The following DAPK2 variants were observed in gnomAD, a reference collection of about 807,000 sequenced individuals.
DAPK2 encodes the protein death-associated protein kinase 2.
Under a neutral mutation model 44.1 loss-of-function variants are expected in DAPK2, and 35 were observed. That is an observed-to-expected ratio of 0.79 (90% CI 0.61 to 1.05). The LOEUF is 1.05. DAPK2 is among the 50% of genes least tolerant of loss of function. DAPK2 has a pLI of 0.00. For synonymous variants in DAPK2, 174 were observed against 182.6 expected, an observed-to-expected ratio of 0.95 and a Z score of 0.38; for missense variants, 453 against 483.2, an observed-to-expected ratio of 0.94 and a Z score of 0.59.
chr15:63,933,661 T>C (rs1220530021), intron 4 of DAPK2, among the ~76,000 whole-genome samples: 10 of 150,496 alleles, frequency 6.6e-5, no homozygotes, highest in Admixed American at 1.3e-4. Flanking sequence ...TGCAGTGGCA[T>C]GATCACAGCT....
intron 1 of DAPK2, among the ~76,000 whole-genome samples, chr15:64,001,104 T>C (rs1437382098): frequency 2.0e-5 from 3 of 151,550 alleles, no homozygotes; most frequent in East Asian, 3.9e-4. Context: ...GGTCTAGAAC[T>C]CCTGACCTCA....
At chr15:63,991,495 T>G in intron 1 of DAPK2, 1 of 364,424 alleles carries the variant, frequency 2.7e-6, no homozygotes, top group South Asian at 2.0e-5. Context: ...CTTTGAAATT[T>G]GAGGTGTGGA....
chr15:63,957,970 C>A (rs1350504571), intron 3 of DAPK2, among the ~76,000 whole-genome samples: 2 of 152,198 alleles, frequency 1.3e-5, no homozygotes, highest in East Asian at 1.9e-4. Context: ...TACAGTCCCA[C>A]CAACGGTGTA....
In DAPK2 at chr15:63,983,761, G is replaced by A. The variant is rs556373666; in HGVS notation, c.93-7C>T. On this transcript the variant is annotated splice_region_variant and splice_polypyrimidine_tract_variant and intron_variant, in intron 1 of 10. Coordinates refer to ENST00000261891, the Ensembl canonical transcript of DAPK2. ...CACGATGGCAAACTGGCCACTGTGG[G>A]GACACAGACCCACAAGATTAGGTCA... 1.4e-5 allele frequency: 23 copies of A among 1,608,960 alleles called. No individual in the cohort carries two copies. In the East Asian group the frequency reaches 4.9e-4, roughly 34 times the overall value.
Position 63,911,996 on chromosome 15 carries a change from G to C in DAPK2, c.949-5C>G, listed in dbSNP as rs2078805536. On this transcript the variant is annotated splice_polypyrimidine_tract_variant and splice_region_variant and intron_variant, in intron 9 of 10. Coordinates refer to ENST00000261891, the Ensembl canonical transcript of DAPK2. ...GGACACGATGCTGAAGGAAAGCTGA[G>C]GGAGGCAGAGGAAAGGAATCCCCAG... 2 of 1,613,530 alleles carry C rather than the reference G, an allele frequency of 1.2e-6. No homozygotes were observed. Among genetic ancestry groups the C allele is most frequent in the Non-Finnish European group, 1.7e-6 (2 of 1,179,792 alleles).
At chr15:63,935,371 A>G (rs1183159106) in intron 4 of DAPK2, among the ~76,000 whole-genome samples, 1 of 152,086 alleles carries the variant, frequency 6.6e-6, no homozygotes, top group Admixed American at 6.6e-5. Flanking sequence ...GATTACAGGC[A>G]TGAGCCACCA....
At chr15:63,946,742 G>A (rs1051764580) in intron 3 of DAPK2, among the ~76,000 whole-genome samples, 2 of 152,128 alleles carry the variant, frequency 1.3e-5, no homozygotes, top group Non-Finnish European at 2.9e-5. Context: ...CCAGATGCCC[G>A]TGTGGCCTGC....
intron 3 of DAPK2, among the ~76,000 whole-genome samples, chr15:63,949,677 A>C (rs11854494): frequency 0.4 from 60,320 of 152,076 alleles, 12,520 homozygotes; most frequent in African/African-American, 0.44. Flanking sequence ...GCAAGCCTGC[A>C]AGGAAGTCAA....
At chr15:63,996,788 A>G (rs1456007688) in intron 1 of DAPK2, among the ~76,000 whole-genome samples, 1 of 152,178 alleles carries the variant, frequency 6.6e-6, no homozygotes, top group Non-Finnish European at 1.5e-5. Context: ...AGGGAGGACT[A>G]CTCAGGCAAT....
intron 1 of DAPK2, among the ~76,000 whole-genome samples, chr15:63,987,017 T>C (rs562540863): frequency 6.6e-6 from 1 of 152,236 alleles, no homozygotes; most frequent in African/African-American, 2.4e-5. Context: ...AGGGGAGGGG[T>C]TGTCTCTCCC....
chr15:63,929,987 C>A, intron 5 of DAPK2: 1 of 443,806 alleles, frequency 2.3e-6, no homozygotes, highest in Non-Finnish European at 4.2e-6. Flanking sequence ...AAACGAGTCC[C>A]ATCTGTGCAG....
chr15:63,944,725 C>A (rs2077404722), intron 3 of DAPK2, among the ~76,000 whole-genome samples: 1 of 152,178 alleles, frequency 6.6e-6, no homozygotes, highest in Non-Finnish European at 1.5e-5. Flanking sequence ...GCAGTCCAAT[C>A]CCTTTCTCCC....
chr15:64,004,882 C>T lies in DAPK2; in HGVS notation c.93-21128G>A, dbSNP rs551463174. On this transcript the variant is annotated intron_variant, in intron 1 of 10. Transcript: ENST00000261891. ...TGACCTTACACTCTTGGCTTCAGTG[C>T]CAAATCAGTGATGACTTATCTTTCC... 1.1e-4 allele frequency among the ~76,000 whole-genome samples: 17 copies of T among 152,306 alleles called. No individual in the cohort carries two copies. In the South Asian group the frequency reaches 2.9e-3, roughly 26 times the overall value.
At chr15:63,950,129 G>T (rs1289000881) in intron 3 of DAPK2, among the ~76,000 whole-genome samples, 79 of 152,198 alleles carry the variant, frequency 5.2e-4, no homozygotes, top group Non-Finnish European at 1.5e-4. Flanking sequence ...CCAGGCATAA[G>T]TTCTACTTTC....
At chr15:63,926,126 A>C in intron 6 of DAPK2, 33 bp from the exon 8 acceptor site, 1 of 1,571,310 alleles carries the variant, frequency 6.4e-7, no homozygotes, top group Non-Finnish European at 8.6e-7. Context: ...CAAATAACTA[A>C]GGGAAAGTAG....
chr15:63,915,921 T>G (rs1272627374), intron 8 of DAPK2, among the ~76,000 whole-genome samples: 2 of 151,354 alleles, frequency 1.3e-5, no homozygotes, highest in Non-Finnish European at 2.9e-5. Flanking sequence ...CCAGAGGGAA[T>G]GTGGCACAAA....
chr15:63,968,934 A>G (rs1360909177), intron 3 of DAPK2, among the ~76,000 whole-genome samples: 1 of 152,220 alleles, frequency 6.6e-6, no homozygotes, highest in East Asian at 1.9e-4. Context: ...GCAAAGACAC[A>G]ATAAAACAAC....
chr15:64,035,569 C>A lies in DAPK2; in HGVS notation c.92+4601G>T, dbSNP rs145114178. On this transcript the variant is annotated intron_variant, in intron 1 of 10. Coordinates refer to ENST00000261891, the Ensembl canonical transcript of DAPK2. ...CCAGACCCCACCCTGGTTCTATCAC[C>A]AGTTCACCTCTTCTCCTCTCTGGCC... Among the ~76,000 whole-genome samples, 143 of 152,330 alleles carry A rather than the reference C, an allele frequency of 9.4e-4. 2 individuals are homozygous for A. In the East Asian group the frequency reaches 0.027, roughly 28 times the overall value.
At chr15:64,045,228 C>T (rs562821859), upstream of DAPK2, among the ~76,000 whole-genome samples, 18 of 152,262 alleles carry the variant, frequency 1.2e-4, no homozygotes, top group African/African-American at 4.3e-4. Context: ...CACCCCTGAC[C>T]CCTCTGCCCA....
Sources: gnomAD v4.1 joint callset for allele counts (sites outside exome capture counted in the v4.1 genomes callset) on GRCh38, gnomAD v4.1.1 for gene constraint, MANE v1.5 for transcripts, NCBI Gene and HGNC (gene_info 2026-07-23, HGNC 2026-07-21) for gene names.